Variants in TIGAR observed in about 807,000 individuals in gnomAD.
TIGAR encodes the protein TP53 induced glycolysis regulatory phosphatase, also known as fructose-2,6-bisphosphatase TIGAR.
In TIGAR, 7 loss-of-function variants were observed where a neutral mutation model predicts 17.9. That is an observed-to-expected ratio of 0.39 (90% CI 0.22 to 0.73). TIGAR has a LOEUF of 0.73. TIGAR is among the 30% of genes least tolerant of loss of function. The probability of loss-of-function intolerance (pLI) is 0.42; values close to 1 mark genes in which losing one functional copy is unlikely to be tolerated. For synonymous variants in TIGAR, 94 were observed against 108.6 expected, an observed-to-expected ratio of 0.87 and a Z score of 0.84; for missense variants, 258 against 327.4, an observed-to-expected ratio of 0.79 and a Z score of 1.64.
At chr12:4,341,649 CA>C (rs1864723707) in intron 3 of TIGAR, among the ~76,000 whole-genome samples, 3 of 152,206 alleles carry the variant, frequency 2.0e-5, no homozygotes, top group Non-Finnish European at 4.4e-5. Flanking sequence ...GGACCTCCAG[CA>C]AACTCCAACA....
At chr12:4,347,922 G>C (rs1864798592) in intron 3 of TIGAR, among the ~76,000 whole-genome samples, 3 of 152,162 alleles carry the variant, frequency 2.0e-5, no homozygotes, top group Admixed American at 2.0e-4. Context: ...GATCACTTGA[G>C]CTCAGGAGTT....
At position 4,352,992 on chromosome 12, in the gene TIGAR, C is replaced by G. The variant is rs1263393964; in HGVS notation, c.*301C>G. The G allele has an allele frequency of 3.1e-6, 1 of 325,416 alleles. No homozygotes were observed. The highest frequency in any genetic ancestry group is 2.1e-5 in the African/African-American group (1 of 47,854). The allele number at this position is 325,416 out of a possible 1,614,324, so 20.2% of individuals were successfully genotyped here. A position where few individuals can be genotyped will look rare whatever the true frequency, so the allele number is the denominator to read the frequency against. Reference sequence around the variant, plus strand: ...AGTTGGGGGATTAGTAACCTTGTTACAACGGTTTCTTTTTCATTTTAGCCT... The same window carrying G: ...AGTTGGGGGATTAGTAACCTTGTTAGAACGGTTTCTTTTTCATTTTAGCCT... On this transcript the variant is annotated 3_prime_UTR_variant, in exon 6 of 6. Coordinates refer to ENST00000179259, the MANE Select transcript of TIGAR (RefSeq NM_020375.3).
rs752187910 is a variant in TIGAR, at chr12:4,352,661, T to A, written c.783T>A (p.Asp261Glu). 2.5e-6 allele frequency: 4 copies of A among 1,602,882 alleles called. No homozygotes were observed. In the Admixed American group the frequency reaches 6.7e-5, roughly 27 times the overall value. ...TVQCICMNLQDHLNGLTETR is the reference protein window; with the variant it reads ...TVQCICMNLQEHLNGLTETR ...AGTGTATTTGTATGAACCTACAGGA[T>A]CATCTAAATGGACTGACTGAAACTC... The change falls in exon 6 of 6, where the codon GAT becomes GAA. Residue 261 changes from aspartate to glutamate, a missense_variant. By Grantham distance (45) the Asp-to-Glu change is conservative. Coordinates refer to ENST00000179259, the MANE Select transcript of TIGAR (RefSeq NM_020375.3).
At chr12:4,325,832 A>G (rs1864540968) in intron 1 of TIGAR, among the ~76,000 whole-genome samples, 1 of 152,098 alleles carries the variant, frequency 6.6e-6, no homozygotes, top group African/African-American at 2.4e-5. Context: ...TATTAGTGTA[A>G]AGGAATTAGG....
chr12:4,337,165 A>G lies in TIGAR; in HGVS notation c.192+5A>G. The G allele has an allele frequency of 1.3e-6, 2 of 1,528,012 alleles. No individual in the cohort carries two copies. The highest frequency in any genetic ancestry group is 1.8e-6 in the Non-Finnish European group (2 of 1,116,876). The allele number at this position is 1,528,012 out of a possible 1,614,324, so 94.7% of individuals were successfully genotyped here. A position where few individuals can be genotyped will look rare whatever the true frequency, so the allele number is the denominator to read the frequency against. ...GATCTCATGAGGACAAAGCAGGTAC[A>G]TTTATTTATTTATTTATTTTGAGAC... On this transcript the variant is annotated splice_donor_5th_base_variant and intron_variant, in intron 3 of 5. Transcript: ENST00000179259.
At chr12:4,345,747 A>G (rs528693309) in intron 3 of TIGAR, among the ~76,000 whole-genome samples, 2 of 152,248 alleles carry the variant, frequency 1.3e-5, no homozygotes, top group Non-Finnish European at 2.9e-5. Context: ...ACAAAAGCCA[A>G]AGTTGACGAA....
chr12:4,333,744 G>A (rs1231193702), intron 2 of TIGAR, among the ~76,000 whole-genome samples: 2 of 152,052 alleles, frequency 1.3e-5, no homozygotes, highest in South Asian at 2.1e-4. Context: ...GATTGCAGGC[G>A]TTAGCCACCG....
At chr12:4,323,887 T>G (rs1382673430) in intron 1 of TIGAR, among the ~76,000 whole-genome samples, 1 of 152,232 alleles carries the variant, frequency 6.6e-6, no homozygotes, top group Non-Finnish European at 1.5e-5. Context: ...GGTGATTCTT[T>G]CAGGAAAAGA....
At chr12:4,342,615 A>AAGAGAGTGGGGGCCAAT (rs1864735913) in intron 3 of TIGAR, among the ~76,000 whole-genome samples, 1 of 152,208 alleles carries the variant, frequency 6.6e-6, no homozygotes, top group African/African-American at 2.4e-5. Context: ...TTCAACCCAG[A>AAGAGAGTGGGGGCCAAT]ATTTCATATC....
chr12:4,349,315 A>G (rs1864812872), intron 3 of TIGAR, among the ~76,000 whole-genome samples: 1 of 152,238 alleles, frequency 6.6e-6, no homozygotes, highest in Non-Finnish European at 1.5e-5. Flanking sequence ...TTCTGAACTA[A>G]AAGATAGGTT....
intron 3 of TIGAR, among the ~76,000 whole-genome samples, chr12:4,338,970 T>A (rs117936485): frequency 1.3e-5 from 1 of 75,576 alleles, no homozygotes; most frequent in African/African-American, 5.4e-5. Context: ...AGCAAAACTT[T>A]GTCTCACAAA....
intron 2 of TIGAR, 143 bp downstream of exon 2, chr12:4,331,460 A>C (rs1380271761): frequency 2.6e-6 from 2 of 776,848 alleles, no homozygotes; most frequent in Admixed American, 4.7e-5. Flanking sequence ...TCATAACCAC[A>C]GAAATATGAT....
Position 4,354,252 on chromosome 12 carries a change from T to G in TIGAR, c.*1561T>G, listed in dbSNP as rs980949974. 1 of 152,212 alleles carries G rather than the reference T, an allele frequency of 6.6e-6. No individual in the cohort carries two copies. Among genetic ancestry groups the G allele is most frequent in the South Asian group, 2.1e-4 (1 of 4,826 alleles). The allele number at this position is 152,212 out of a possible 1,614,324, so 9.4% of individuals were successfully genotyped here. ...TCTACCAGTATTGAAACAGGGCACG[T>G]GTTTGAGCATCAGAGGAAGTATACT... On this transcript the variant is annotated 3_prime_UTR_variant, in exon 6 of 6. Transcript: ENST00000179259.
chr12:4,336,816 A>G (rs1202148915), intron 2 of TIGAR, among the ~76,000 whole-genome samples: 2 of 152,214 alleles, frequency 1.3e-5, no homozygotes, highest in African/African-American at 4.8e-5. Context: ...CCTAATTCCC[A>G]TTAGGCAAGC....
At position 4,349,880 on chromosome 12, in the gene TIGAR, C is replaced by T; in HGVS notation, c.254C>T (p.Ser85Leu). 2 of 1,568,752 alleles carry T rather than the reference C, an allele frequency of 1.3e-6. No individual in the cohort carries two copies. The highest frequency in any genetic ancestry group is 1.7e-6 in the Non-Finnish European group (2 of 1,163,900). Residue 85 changes from serine to leucine, a missense_variant, in exon 4 of 6, where the codon TCA becomes TTA. Physicochemically the swap from Ser to Leu is moderately radical, Grantham distance 145. Coordinates refer to ENST00000179259, the MANE Select transcript of TIGAR (RefSeq NM_020375.3). ...FCKDMTVKYDSRLRERKYGVV... is the reference protein window; with the variant it reads ...FCKDMTVKYDLRLRERKYGVV... ...AAAGATATGACGGTAAAGTATGACT[C>T]AAGACTTCGGGAAAGGGTGAGTAAC... is the stretch of plus-strand genomic sequence containing the variant.
rs1864861971 is a variant in TIGAR, at chr12:4,353,626, G to A, written c.*935G>A. ...CTGAGGCGGGCGGATCACAAGGTCA[G>A]GAATTCTAGACCAGCCTGGCCAACA... On this transcript the variant is annotated 3_prime_UTR_variant, in exon 6 of 6. Transcript: ENST00000179259. The A allele has an allele frequency of 6.6e-6, 1 of 152,416 alleles. No individual in the cohort carries two copies. The highest frequency in any genetic ancestry group is 6.5e-5 in the Admixed American group (1 of 15,284). The allele number at this position is 152,416 out of a possible 1,614,324, so 9.4% of individuals were successfully genotyped here.
chr12:4,329,781 T>A (rs1056949156), intron 1 of TIGAR, among the ~76,000 whole-genome samples: 5 of 152,172 alleles, frequency 3.3e-5, no homozygotes, highest in African/African-American at 4.8e-5. Flanking sequence ...GTTCTGTCAT[T>A]TCCCAGCATT....
chr12:4,352,153 C>A, intron 5 of TIGAR, 107 bp from the exon 6 acceptor site: 1 of 843,320 alleles, frequency 1.2e-6, no homozygotes, highest in Non-Finnish European at 1.8e-6. Flanking sequence ...TTGTGTAGTA[C>A]TTGGCATTCA....
chr12:4,342,320 T>A (rs1358284780), intron 3 of TIGAR, among the ~76,000 whole-genome samples: 2 of 152,156 alleles, frequency 1.3e-5, no homozygotes, highest in African/African-American at 4.8e-5. Context: ...CTGCAGCATA[T>A]TATCCAGGAG....
Sources: allele counts gnomAD v4.1 joint callset (sites outside exome capture counted in the v4.1 genomes callset), GRCh38; gene constraint gnomAD v4.1.1; transcripts MANE v1.5; gene names NCBI Gene and HGNC (gene_info 2026-07-23, HGNC 2026-07-21).